ARHGEF10L: variants seen among roughly 807,000 people sequenced by gnomAD.
ARHGEF10L encodes rho guanine nucleotide exchange factor 10-like protein.
Under a neutral mutation model 141.2 loss-of-function variants are expected in ARHGEF10L, and 69 were observed. The ratio of observed to expected loss-of-function variants is 0.49; its 90% CI spans 0.40 to 0.60. The LOEUF is 0.60. Ranked by LOEUF, ARHGEF10L falls within the 20% of genes least tolerant of loss-of-function variation. The probability of loss-of-function intolerance (pLI) is 0.00; values close to 1 mark genes in which losing one functional copy is unlikely to be tolerated. For synonymous variants in ARHGEF10L, 711 were observed against 718.5 expected (o/e 0.99, Z 0.17); for missense variants, 1,482 against 1,734.3 (o/e 0.85, Z 2.58).
rs12566590 is a variant in ARHGEF10L at position 17,614,409 on chromosome 1, G to T, written c.726+1235G>T. Among the ~76,000 whole-genome samples the T allele has an allele frequency of 8.6e-4, 131 of 152,324 alleles. 2 individuals are homozygous for T. In the East Asian group the frequency reaches 0.018, roughly 21 times the overall value. ...CTGTGGGAATGGGTGGATTCGGCAG[G>T]TGTACTCGGGGACACCTTCTAGGGT... On this transcript the variant is annotated intron_variant, in intron 8 of 28. Coordinates refer to ENST00000361221, the MANE Select transcript of ARHGEF10L (RefSeq NM_018125.4).
At chr1:17,631,879 C>T (rs1398155898) in intron 15 of ARHGEF10L, among the ~76,000 whole-genome samples, 1 of 152,258 alleles carries the variant, frequency 6.6e-6, no homozygotes, top group African/African-American at 2.4e-5. Flanking sequence ...TATCTGCCCC[C>T]ACTTGGTAGC....
chr1:17,530,954 G>T, the ARHGEF10L span, among the ~76,000 whole-genome samples: 1 of 151,758 alleles, frequency 6.6e-6, no homozygotes, highest in Non-Finnish European at 1.5e-5. Context: ...GCAATGAGCC[G>T]AGATCGTGCC....
the ARHGEF10L span, among the ~76,000 whole-genome samples, chr1:17,519,891 A>G: frequency 4.0e-5 from 6 of 151,492 alleles, no homozygotes; most frequent in Non-Finnish European, 7.4e-5. Context: ...GGCCGGTTGC[A>G]TGATGTCACA....
At chr1:17,591,869 C>A (rs1325681808) in intron 4 of ARHGEF10L, among the ~76,000 whole-genome samples, 2 of 152,184 alleles carry the variant, frequency 1.3e-5, no homozygotes, top group African/African-American at 2.4e-5. Flanking sequence ...ATTACTTGTA[C>A]CCCTAGGAGC....
intron 1 of ARHGEF10L, among the ~76,000 whole-genome samples, chr1:17,577,443 C>A (rs2078268507): frequency 6.6e-6 from 1 of 152,220 alleles, no homozygotes; most frequent in Non-Finnish European, 1.5e-5. Context: ...CTGAGTGGAA[C>A]CCAGGTGGTA....
chr1:17,648,470 TC>T, intron 21 of ARHGEF10L, 83 bp from the exon 22 acceptor site: 1 of 1,552,146 alleles, frequency 6.4e-7, no homozygotes, highest in Non-Finnish European at 8.8e-7. Context: ...CTGCAGTGGC[TC>T]CCTGGGGCTT....
chr1:17,619,502 T>A lies in ARHGEF10L; in HGVS notation c.942+57T>A. The A allele has an allele frequency of 7.4e-7, 1 of 1,357,520 alleles. No homozygotes were observed. The highest frequency in any genetic ancestry group is 1.0e-6 in the Non-Finnish European group (1 of 990,908). The allele number at this position is 1,357,520 out of a possible 1,614,324, so 84.1% of individuals were successfully genotyped here. ...GCAGGGGAAGGGGTGGCTTGGGGGT[T>A]CCAGCCTGTTCTCTGGGGCCACGCT... On this transcript the variant is annotated intron_variant, in intron 10 of 28. Transcript: ENST00000361221. The surrounding 1 kb of genome is among the most constrained non-coding windows in gnomAD (Gnocchi z 5.0).
intron 18 of ARHGEF10L, among the ~76,000 whole-genome samples, chr1:17,636,439 C>T (rs2061007376): frequency 2.0e-5 from 3 of 152,224 alleles, no homozygotes; most frequent in Non-Finnish European, 2.9e-5. Context: ...AAAACCATAA[C>T]ATTCAAATTA....
At chr1:17,516,781 G>A in the ARHGEF10L span, among the ~76,000 whole-genome samples, 1 of 152,196 alleles carries the variant, frequency 6.6e-6, no homozygotes, top group Non-Finnish European at 1.5e-5. Context: ...TCTCTGGCCA[G>A]GTCCCCGCCA....
intron 21 of ARHGEF10L, among the ~76,000 whole-genome samples, chr1:17,646,131 G>A (rs1166597434): frequency 1.3e-5 from 2 of 152,294 alleles, no homozygotes; most frequent in East Asian, 3.9e-4. Context: ...GCCGGGTGCT[G>A]GCGCCTTCAC....
At chr1:17,686,101 TCTTTC>T (rs1345987673) in intron 26 of ARHGEF10L, among the ~76,000 whole-genome samples, 167 of 138,846 alleles carry the variant, frequency 1.2e-3, no homozygotes, top group African/African-American at 3.8e-3. Flanking sequence ...TTTCTTTCTT[TCTTTC>T]TTTTTTTTTT....
chr1:17,554,055 T>C (rs2077211208), intron 1 of ARHGEF10L, among the ~76,000 whole-genome samples: 1 of 152,186 alleles, frequency 6.6e-6, no homozygotes. Context: ...ATACGTTTGC[T>C]AGGTGCTTCC....
At chr1:17,572,978 A>G (rs2078066839) in intron 1 of ARHGEF10L, among the ~76,000 whole-genome samples, 1 of 152,220 alleles carries the variant, frequency 6.6e-6, no homozygotes, top group South Asian at 2.1e-4. Flanking sequence ...GGGGAGTGGT[A>G]GACACCCCTG....
At chr1:17,577,989 T>C (rs1308040320) in intron 1 of ARHGEF10L, among the ~76,000 whole-genome samples, 3 of 152,132 alleles carry the variant, frequency 2.0e-5, no homozygotes, top group African/African-American at 7.2e-5. Flanking sequence ...GGGGAGGACA[T>C]TGGACTTTCT....
intron 21 of ARHGEF10L, among the ~76,000 whole-genome samples, chr1:17,647,567 C>T (rs373717290): frequency 3.9e-5 from 6 of 152,264 alleles, no homozygotes; most frequent in South Asian, 4.1e-4. Context: ...CCATGTTTTC[C>T]GAGCACTCGC....
At chr1:17,531,805 C>T in the ARHGEF10L span, among the ~76,000 whole-genome samples, 2 of 152,168 alleles carry the variant, frequency 1.3e-5, no homozygotes, top group African/African-American at 4.8e-5. Flanking sequence ...GGATAAGAGC[C>T]CATTGTTCTG....
In ARHGEF10L at chr1:17,637,868, T is replaced by C; in HGVS notation, c.1928-20T>C. The C allele has an allele frequency of 1.9e-6, 3 of 1,563,044 alleles. No individual in the cohort carries two copies. The highest frequency in any genetic ancestry group is 2.6e-6 in the Non-Finnish European group (3 of 1,152,588). On this transcript the variant is annotated intron_variant, in intron 18 of 28. Transcript: ENST00000361221. ...GTTAGCGCCTTCACCTGTGCCTGAG[T>C]TGGTCTCTTCTCTGCCCAGATAAGG...
chr1:17,613,094 G>T lies in ARHGEF10L; in HGVS notation c.646G>T (p.Ala216Ser). The T allele has an allele frequency of 6.2e-7, 1 of 1,614,016 alleles. No individual in the cohort carries two copies. Among genetic ancestry groups the T allele is most frequent in the Non-Finnish European group, 8.5e-7 (1 of 1,179,974 alleles). The change falls in exon 8 of 29, where the codon GCC becomes TCC. Residue 216 changes from alanine (A) to serine (S), a missense_variant. By Grantham distance (99) the Ala-to-Ser change is moderately conservative (BLOSUM62 1). Around this residue, in one of 3 missense-constraint regions of ARHGEF10L, gnomAD observed 392 missense variants for 542.1 expected, o/e 0.72. Coordinates refer to ENST00000361221, the MANE Select transcript of ARHGEF10L (RefSeq NM_018125.4). Reference protein sequence around the residue: ...PDLTRLKERYARTKRDILALR... With the variant: ...PDLTRLKERYSRTKRDILALR... ...CCTGACTAGGCTAAAGGAGAGATAC[G>T]CCAGGACTAAGAGAGACATCTTGGC...
intron 4 of ARHGEF10L, among the ~76,000 whole-genome samples, chr1:17,595,840 G>C (rs1478082920): frequency 6.6e-6 from 1 of 152,192 alleles, no homozygotes; most frequent in Non-Finnish European, 1.5e-5. Context: ...CTGCGAGGGA[G>C]GTAGTGTTGC....
Sources: gnomAD v4.1 joint callset for allele counts (sites outside exome capture counted in the v4.1 genomes callset) on GRCh38, gnomAD v4.1.1 for gene constraint, gnomAD v4.1.1 regional missense constraint, Gnocchi (gnomAD v3.1) non-coding constraint, MANE v1.5 for transcripts, NCBI Gene and HGNC (gene_info 2026-07-23, HGNC 2026-07-21) for gene names.